The following JADE3 variants were observed in gnomAD, a reference collection of about 807,000 sequenced individuals.
The protein encoded by JADE3 is protein Jade-3.
In JADE3, 2 loss-of-function variants were observed where a neutral mutation model predicts 50.1. That is an observed-to-expected ratio of 0.04 (90% CI 0.02 to 0.13). The LOEUF (loss-of-function observed/expected upper bound fraction) is 0.13, where lower values mean the gene tolerates loss of function less well. Among genes scored for constraint, JADE3 ranks in the 10% least tolerant of loss-of-function variants. JADE3 has a pLI of 1.00. For synonymous variants in JADE3, 218 were observed against 232.9 expected (o/e 0.94, Z 0.58); for missense variants, 475 against 634.4 (o/e 0.75, Z 2.70).
At chrX:46,929,147 A>G (rs1439184379) in intron 1 of JADE3, among the ~76,000 whole-genome samples, 6 of 111,401 alleles carry the variant, frequency 5.4e-5, no homozygotes, top group Non-Finnish European at 9.4e-5. Context: ...CACTTAAACA[A>G]TGTTAACACC....
chrX:46,959,298 C>T (rs1388233485), intron 1 of JADE3, among the ~76,000 whole-genome samples: 3 of 112,349 alleles, frequency 2.7e-5, no homozygotes, highest in Non-Finnish European at 3.8e-5. Context: ...TTCCCAATAC[C>T]TCTGTCAAAA....
intron 10 of JADE3, among the ~76,000 whole-genome samples, chrX:47,057,300 T>C (rs1929649652): frequency 9.0e-6 from 1 of 111,599 alleles, no homozygotes; most frequent in Non-Finnish European, 1.9e-5. Context: ...TCTTGATATC[T>C]CATTTTTGTG....
At chrX:47,057,834 T>C (rs1243292545) in intron 10 of JADE3, among the ~76,000 whole-genome samples, 21 of 111,779 alleles carry the variant, frequency 1.9e-4, no homozygotes, top group African/African-American at 6.8e-4. Context: ...AAGACCCTAT[T>C]CTAAACCATT....
chrX:47,028,800 G>A (rs781978785), intron 6 of JADE3, among the ~76,000 whole-genome samples: 10 of 111,178 alleles, frequency 9.0e-5, no homozygotes, highest in Non-Finnish European at 1.9e-4. Context: ...AACAAAATAA[G>A]GTTACTCAAG....
At chrX:47,037,109 TAAA>T (rs71704592) in intron 7 of JADE3, among the ~76,000 whole-genome samples, 4 of 83,201 alleles carry the variant, frequency 4.8e-5, no homozygotes, top group African/African-American at 1.6e-4. Context: ...TAAAGTATAA[TAAA>T]AAAAAAAAGG....
intron 4 of JADE3, among the ~76,000 whole-genome samples, chrX:47,007,802 TTATTTTGTG>T (rs1483828630): frequency 2.6e-5 from 2 of 76,122 alleles, no homozygotes; most frequent in Non-Finnish European, 4.9e-5. Flanking sequence ...GCGTGTCCTT[TTATTTTGTG>T]TGTGTGTGTG....
intron 1 of JADE3, among the ~76,000 whole-genome samples, chrX:46,926,357 A>G (rs1013450341): frequency 1.8e-5 from 2 of 109,758 alleles, no homozygotes; most frequent in Non-Finnish European, 3.8e-5. Context: ...CAATCCTCCT[A>G]CCTTAGCCTC....
At chrX:47,012,631 T>TG (rs1556361958) in intron 4 of JADE3, among the ~76,000 whole-genome samples, 19 of 110,313 alleles carry the variant, frequency 1.7e-4, no homozygotes, top group African/African-American at 4.6e-4. Flanking sequence ...TGTTTTTTTT[T>TG]TTGTTGTTGT....
intron 3 of JADE3, among the ~76,000 whole-genome samples, chrX:46,995,233 G>C (rs1368640103): frequency 9.1e-6 from 1 of 110,452 alleles, no homozygotes; most frequent in Admixed American, 9.6e-5. Context: ...GTTTCACCGT[G>C]TTAACCAGGA....
rs1009977367 is a variant in JADE3, at chrX:47,055,981, C to T, written c.1444-101C>T. On this transcript the variant is annotated intron_variant, in intron 9 of 10. Transcript: ENST00000614628. Reference sequence around the variant, plus strand: ...TCTTGGATTCTGTCTTCTCTCCTCACCCCCACCTGACTTTAGGTCTTTATT... The same window carrying T: ...TCTTGGATTCTGTCTTCTCTCCTCATCCCCACCTGACTTTAGGTCTTTATT... The T allele has an allele frequency of 2.1e-5, 10 of 479,911 alleles. No individual in the cohort carries two copies. In the East Asian group the frequency reaches 2.2e-4, roughly 10 times the overall value. The allele number at this position is 479,911 out of a possible 1,213,427, so 39.6% of individuals were successfully genotyped here.
At chrX:46,941,745 T>C (rs1225540007) in intron 1 of JADE3, among the ~76,000 whole-genome samples, 2 of 109,303 alleles carry the variant, frequency 1.8e-5, no homozygotes, top group Non-Finnish European at 3.8e-5. Flanking sequence ...CATTTTTTTT[T>C]TTTTTGGATA....
rs1200745540 is a variant in JADE3, at chrX:46,951,352, C to T, written c.-11-33532C>T. 1.1e-3 allele frequency among the ~76,000 whole-genome samples: 97 copies of T among 90,743 alleles called. 1 individual carries two copies. The highest frequency in any genetic ancestry group is 3.7e-3 in the African/African-American group (96 of 25,708). The allele number at this position is 90,743 out of a possible 115,157, so 78.8% of individuals were successfully genotyped here. On this transcript the variant is annotated intron_variant, in intron 1 of 10. Coordinates refer to ENST00000614628, the MANE Select transcript of JADE3 (RefSeq NM_014735.5). ...CTGTAATCCCAGCACTTTGGGAGGC[C>T]GAGGCAGGCAGATCACTTGAGGTCA...
upstream of JADE3, chrX:46,912,361 G>C (rs1186620361): frequency 8.9e-6 from 1 of 112,196 alleles, no homozygotes; most frequent in Non-Finnish European, 1.9e-5. Flanking sequence ...CGCGGCCGGC[G>C]GTGGGTGGGA....
intron 1 of JADE3, among the ~76,000 whole-genome samples, chrX:46,917,858 C>A: frequency 4.4e-5 from 1 of 22,849 alleles, no homozygotes; most frequent in African/African-American, 1.1e-4. Flanking sequence ...TCTCTCTCAT[C>A]CTCTCTCTCT....
At chrX:46,952,285 T>C (rs1483599034) in intron 1 of JADE3, among the ~76,000 whole-genome samples, 1 of 112,322 alleles carries the variant, frequency 8.9e-6, no homozygotes, top group Non-Finnish European at 1.9e-5. Context: ...AATGTATTTG[T>C]TTCAGCAGCA....
intron 1 of JADE3, among the ~76,000 whole-genome samples, chrX:46,983,304 T>C (rs1235142986): frequency 9.0e-6 from 1 of 111,144 alleles, no homozygotes; most frequent in Non-Finnish European, 1.9e-5. Flanking sequence ...TGGATGGAGA[T>C]AAATGGTGAG....
In JADE3 at chrX:47,039,015, T is replaced by C; in HGVS notation, c.922T>C (p.Trp308Arg). The change falls in exon 8 of 11, where the codon TGG becomes CGG. Residue 308 changes from tryptophan (W) to arginine (R), a missense_variant. Transcript: ENST00000614628. ...TKISHIPPSR[W>R]ALVCNLCKLK... ...GATCTCCCACATCCCACCCAGTCGG[T>C]GGGCCTTAGTCTGCAACTTGTGCAA... 8.3e-7 allele frequency: 1 copy of C among 1,200,005 alleles called. No homozygotes were observed. Among genetic ancestry groups the C allele is most frequent in the Non-Finnish European group, 1.1e-6 (1 of 885,694 alleles).
intron 3 of JADE3, among the ~76,000 whole-genome samples, chrX:46,997,553 T>A (rs1190183905): frequency 9.0e-6 from 1 of 111,120 alleles, no homozygotes; most frequent in Admixed American, 9.6e-5. Context: ...CAGAAAGACA[T>A]TAGGGAGAAA....
In JADE3 at chrX:47,010,859, G is replaced by A. The variant is rs782397707; in HGVS notation, c.284+12582G>A. ...CTCAAAAAAAAATTATTTTTTCATA[G>A]TTCTAGAGTCTAGAAATCCAAGATC... On this transcript the variant is annotated intron_variant, in intron 4 of 10. Coordinates refer to ENST00000614628, the MANE Select transcript of JADE3 (RefSeq NM_014735.5). Among the ~76,000 whole-genome samples, 24 of 111,015 alleles carry A rather than the reference G, an allele frequency of 2.2e-4. No homozygotes were observed. In the East Asian group the frequency reaches 6.5e-3, roughly 30 times the overall value.
Sources: allele counts gnomAD v4.1 joint callset (sites outside exome capture counted in the v4.1 genomes callset), GRCh38; gene constraint gnomAD v4.1.1; transcripts MANE v1.5; gene names NCBI Gene and HGNC (gene_info 2026-07-23, HGNC 2026-07-21).